The following TRAM1 variants were observed in gnomAD, a reference collection of about 807,000 sequenced individuals.
TRAM1 encodes the protein translocating chain-associated membrane protein 1.
A neutral mutation model predicts 48.7 loss-of-function variants in TRAM1; 17 were observed. That is an observed-to-expected ratio of 0.35 (90% CI 0.24 to 0.52). The LOEUF (loss-of-function observed/expected upper bound fraction) is 0.52, where lower values mean the gene tolerates loss of function less well. Ranked by LOEUF, TRAM1 falls within the 20% of genes least tolerant of loss-of-function variation. TRAM1 has a pLI of 0.94. For missense variants in TRAM1, 351 were observed against 441.5 expected (o/e 0.79, Z 1.84); for synonymous variants, 182 against 154.0 (o/e 1.18, Z -1.34).
At chr8:70,581,071 A>C (rs1274933110) in intron 10 of TRAM1, among the ~76,000 whole-genome samples, 3 of 152,212 alleles carry the variant, frequency 2.0e-5, no homozygotes, top group African/African-American at 7.2e-5. Context: ...TTTTTGCAGA[A>C]ACTGACAAGC....
intron 6 of TRAM1, 130 bp from the exon 7 acceptor site, chr8:70,587,306 G>T: frequency 1.3e-6 from 1 of 796,636 alleles, no homozygotes; most frequent in South Asian, 1.8e-5. Flanking sequence ...CCCAACCTTG[G>T]CCTTCCAAAG....
At chr8:70,579,149 G>T (rs974496031) in intron 10 of TRAM1, among the ~76,000 whole-genome samples, 2 of 152,188 alleles carry the variant, frequency 1.3e-5, no homozygotes, top group African/African-American at 4.8e-5. Flanking sequence ...TTTCATCATT[G>T]TATGAACATC....
chr8:70,597,457 G>GTC (rs1284485579), intron 4 of TRAM1, among the ~76,000 whole-genome samples: 6 of 151,912 alleles, frequency 3.9e-5, no homozygotes, highest in Non-Finnish European at 7.4e-5. Flanking sequence ...GGATCACGAG[G>GTC]TCAGGAGTTC....
At chr8:70,590,112 C>A (rs1204759507) in intron 6 of TRAM1, among the ~76,000 whole-genome samples, 2 of 146,584 alleles carry the variant, frequency 1.4e-5, no homozygotes, top group South Asian at 2.2e-4. Flanking sequence ...GAACTCATTT[C>A]ATTGCATAAA....
At chr8:70,589,367 T>TA (rs1251345603) in intron 6 of TRAM1, among the ~76,000 whole-genome samples, 1 of 152,190 alleles carries the variant, frequency 6.6e-6, no homozygotes, top group Non-Finnish European at 1.5e-5. Flanking sequence ...AGGGAACCTC[T>TA]CTTCTCCCGT....
In TRAM1 at chr8:70,604,607, G is replaced by A. The variant is rs529679096; in HGVS notation, c.123+3470C>T. On this transcript the variant is annotated intron_variant, in intron 1 of 10. Coordinates refer to ENST00000262213, the MANE Select transcript of TRAM1 (RefSeq NM_014294.6). Reference sequence around the variant, plus strand: ...GAGATGTGTCTCTCCCTCAAACTTTGTTCTGACCTGAGCACCTTACCTGTC... The same window carrying A: ...GAGATGTGTCTCTCCCTCAAACTTTATTCTGACCTGAGCACCTTACCTGTC... 6.6e-5 allele frequency among the ~76,000 whole-genome samples: 10 copies of A among 151,410 alleles called. No individual in the cohort carries two copies. The East Asian group carries it at 1.8e-3, about 27-fold the overall frequency.
Position 70,574,919 on chromosome 8 carries a change from A to G in TRAM1, c.*13T>C. 1 of 1,544,054 alleles carries G rather than the reference A, an allele frequency of 6.5e-7. No homozygotes were observed. On this transcript the variant is annotated 3_prime_UTR_variant, in exon 11 of 11. Coordinates refer to ENST00000262213, the MANE Select transcript of TRAM1 (RefSeq NM_014294.6). ...ATTTCTTTGGGGACATTAATCAATT[A>G]GTTTATAATTCATTATGAAGATTTC...
intron 1 of TRAM1, chr8:70,607,607 G>A (rs1385947815): frequency 1.9e-6 from 1 of 535,872 alleles, no homozygotes; most frequent in Non-Finnish European, 2.4e-6. Context: ...CCCGGGGGCC[G>A]GGCCTCGGCC....
chr8:70,586,884 A>G lies in TRAM1; in HGVS notation c.746+11T>C, dbSNP rs1416298228. On this transcript the variant is annotated intron_variant, in intron 8 of 10. Coordinates refer to ENST00000262213, the MANE Select transcript of TRAM1 (RefSeq NM_014294.6). ...CTAGTACACGAGAAATAGAATGGCT[A>G]AACAACTTACCCTTTCTGATACTTT... is the stretch of plus-strand genomic sequence containing the variant. 6.2e-7 allele frequency: 1 copy of G among 1,609,694 alleles called. No homozygotes were observed. Among genetic ancestry groups the G allele is most frequent in the South Asian group, 1.1e-5 (1 of 90,910 alleles).
Position 70,574,623 on chromosome 8 carries a change from T to C in TRAM1, c.*309A>G, listed in dbSNP as rs923892696. On this transcript the variant is annotated 3_prime_UTR_variant, in exon 11 of 11. Transcript: ENST00000262213. ...AGCAAGAAATTGTATCACTGATATG[T>C]GGAATTTTTGTAAATAGTTTTCTCT... 1.7e-5 allele frequency: 4 copies of C among 235,622 alleles called. No homozygotes were observed. Among genetic ancestry groups the C allele is most frequent in the South Asian group, 6.3e-5 (1 of 15,792 alleles). 14.6% of individuals were successfully genotyped at this position (235,622 alleles called of 1,614,324 possible). A position where few individuals can be genotyped will look rare whatever the true frequency, so the allele number is the denominator to read the frequency against.
intron 10 of TRAM1, among the ~76,000 whole-genome samples, chr8:70,580,363 G>A (rs752345420): frequency 6.6e-6 from 1 of 152,064 alleles, no homozygotes; most frequent in Admixed American, 6.5e-5. Context: ...CCATAACCAA[G>A]TGAAATTTAT....
intron 10 of TRAM1, among the ~76,000 whole-genome samples, chr8:70,581,016 C>T (rs1473113766): frequency 6.6e-6 from 1 of 152,168 alleles, no homozygotes; most frequent in Admixed American, 6.5e-5. Context: ...CTCTGCAAAG[C>T]AACCTACAAA....
At chr8:70,576,079 AG>A (rs747776694) in intron 10 of TRAM1, among the ~76,000 whole-genome samples, 7,066 of 69,454 alleles carry the variant, frequency 0.1, 442 homozygotes, top group Non-Finnish European at 0.17. Context: ...TAAAAAAAAA[AG>A]AAAAAAAAAA....
chr8:70,584,122 G>A (rs574320021), intron 8 of TRAM1, among the ~76,000 whole-genome samples: 1 of 152,240 alleles, frequency 6.6e-6, no homozygotes, highest in African/African-American at 2.4e-5. Flanking sequence ...AAATATCTGG[G>A]AAAGGCTATA....
chr8:70,600,062 G>C lies in TRAM1; in HGVS notation c.144C>G (p.Ile48Met), dbSNP rs759342148. 1 of 1,613,772 alleles carries C rather than the reference G, an allele frequency of 6.2e-7. No homozygotes were observed. Among genetic ancestry groups the C allele is most frequent in the Non-Finnish European group, 8.5e-7 (1 of 1,179,744 alleles). ...LMFEITAKAS[I>M]IFVTLQYNVT... ...CATTGTACTGAAGAGTAACAAAAATGATAGAAGCTTTTGCCGTTATCTACA... is the reference window on the plus strand; with the variant it reads ...CATTGTACTGAAGAGTAACAAAAATCATAGAAGCTTTTGCCGTTATCTACA... Residue 48 changes from isoleucine (I) to methionine (M), a missense_variant, in exon 2 of 11, where the codon ATC (isoleucine) becomes ATG (methionine). Ile to Met is a conservative substitution (Grantham distance 10). Transcript: ENST00000262213.
At chr8:70,605,083 A>T (rs73685681) in intron 1 of TRAM1, among the ~76,000 whole-genome samples, 10,230 of 152,326 alleles carry the variant, frequency 0.067, 402 homozygotes, top group Non-Finnish European at 0.078. Context: ...CTACTTTGTT[A>T]GCCTTTTCAG....
At chr8:70,598,829 TTA>T (rs1189389568) in intron 2 of TRAM1, among the ~76,000 whole-genome samples, 1 of 152,246 alleles carries the variant, frequency 6.6e-6, no homozygotes, top group Non-Finnish European at 1.5e-5. Flanking sequence ...TTCTCAAACT[TTA>T]TGTTTATGGG....
At chr8:70,589,339 A>G (rs1294186192) in intron 6 of TRAM1, among the ~76,000 whole-genome samples, 1 of 152,178 alleles carries the variant, frequency 6.6e-6, no homozygotes, top group African/African-American at 2.4e-5. Flanking sequence ...AAGGGTGTTG[A>G]GATAACATGC....
chr8:70,604,972 G>A (rs1254891161), intron 1 of TRAM1, among the ~76,000 whole-genome samples: 1 of 152,122 alleles, frequency 6.6e-6, no homozygotes, highest in African/African-American at 2.4e-5. Context: ...TATGTGGACA[G>A]ATATTTACTG....
Sources: allele counts gnomAD v4.1 joint callset (sites outside exome capture counted in the v4.1 genomes callset), GRCh38; gene constraint gnomAD v4.1.1; transcripts MANE v1.5; gene names NCBI Gene and HGNC (gene_info 2026-07-23, HGNC 2026-07-21).